Variants in ENTREP2 observed in about 807,000 individuals in gnomAD.
The protein encoded by ENTREP2 is protein ENTREP2.
At chr15:29,351,496 A>G in the ENTREP2 span, among the ~76,000 whole-genome samples, 1 of 151,994 alleles carries the variant, frequency 6.6e-6, no homozygotes, top group African/African-American at 2.4e-5. Flanking sequence ...GTGCAAGATA[A>G]ATGTTTATAC....
the ENTREP2 span, among the ~76,000 whole-genome samples, chr15:29,471,337 G>C: frequency 6.6e-6 from 1 of 152,240 alleles, no homozygotes; most frequent in African/African-American, 2.4e-5. Flanking sequence ...GCTCCAAGAA[G>C]GACTTCTGAC....
At chr15:29,205,909 T>C in the ENTREP2 span, among the ~76,000 whole-genome samples, 1 of 152,224 alleles carries the variant, frequency 6.6e-6, no homozygotes, top group Non-Finnish European at 1.5e-5. Context: ...GTCTCAAGAA[T>C]GAGCCACCTT....
At chr15:29,206,585 A>G in the ENTREP2 span, among the ~76,000 whole-genome samples, 7 of 152,158 alleles carry the variant, frequency 4.6e-5, no homozygotes, top group Admixed American at 1.3e-4. Context: ...CATCCAGAAC[A>G]GAAAAACCCA....
At chr15:29,675,133 C>T in the ENTREP2 span, 1 of 152,942 alleles carries the variant, frequency 6.5e-6, no homozygotes, top group East Asian at 1.9e-4. Context: ...GCACGCCGCC[C>T]CAGTCCTCGG....
the ENTREP2 span, among the ~76,000 whole-genome samples, chr15:29,281,332 G>A: frequency 1.3e-5 from 2 of 152,300 alleles, no homozygotes; most frequent in South Asian, 2.1e-4. Flanking sequence ...CTATTAAAGT[G>A]GAGGTTATAT....
At chr15:29,469,286 G>A in the ENTREP2 span, among the ~76,000 whole-genome samples, 3 of 152,184 alleles carry the variant, frequency 2.0e-5, no homozygotes, top group South Asian at 2.1e-4. Flanking sequence ...TGCAAGCTCC[G>A]CCTCTTGGGT....
At chr15:29,169,444 G>A in the ENTREP2 span, among the ~76,000 whole-genome samples, 1 of 152,158 alleles carries the variant, frequency 6.6e-6, no homozygotes, top group Non-Finnish European at 1.5e-5. Context: ...CATTACTTGT[G>A]TTGGGATAAT....
At chr15:29,360,814 C>G in the ENTREP2 span, among the ~76,000 whole-genome samples, 1 of 152,174 alleles carries the variant, frequency 6.6e-6, no homozygotes, top group African/African-American at 2.4e-5. Flanking sequence ...GGTCTGAGAG[C>G]CAGATGCTAG....
At chr15:29,595,248 G>A in the ENTREP2 span, among the ~76,000 whole-genome samples, 1,759 of 139,396 alleles carry the variant, frequency 0.013, 38 homozygotes, top group African/African-American at 0.046. Context: ...GTGAAACTCC[G>A]TCTCAAAAAT....
the ENTREP2 span, among the ~76,000 whole-genome samples, chr15:29,300,489 T>C: frequency 6.6e-6 from 1 of 152,194 alleles, no homozygotes; most frequent in African/African-American, 2.4e-5. Context: ...AGATAATCAC[T>C]GGGTTAAAAT....
the ENTREP2 span, among the ~76,000 whole-genome samples, chr15:29,326,232 T>G: frequency 6.8e-3 from 1,028 of 152,192 alleles, 9 homozygotes; most frequent in African/African-American, 0.023. Context: ...GCTAGTGCAA[T>G]AAGACAAGAA....
At chr15:29,451,427 C>A in the ENTREP2 span, among the ~76,000 whole-genome samples, 5 of 152,292 alleles carry the variant, frequency 3.3e-5, no homozygotes, top group East Asian at 9.7e-4. Flanking sequence ...GCACACCGAC[C>A]CCACAGAGAA....
the ENTREP2 span, among the ~76,000 whole-genome samples, chr15:29,502,731 T>C: frequency 3.3e-5 from 5 of 152,124 alleles, no homozygotes; most frequent in South Asian, 2.1e-4. Context: ...AAAGGACTCC[T>C]AGCATTCAAC....
the ENTREP2 span, among the ~76,000 whole-genome samples, chr15:29,494,338 G>C: frequency 6.6e-6 from 1 of 152,090 alleles, no homozygotes; most frequent in African/African-American, 2.4e-5. Context: ...ACATAAAATT[G>C]TGCCAAAATA....
At chr15:29,432,129 T>C in the ENTREP2 span, among the ~76,000 whole-genome samples, 2 of 152,206 alleles carry the variant, frequency 1.3e-5, no homozygotes, top group Non-Finnish European at 2.9e-5. Flanking sequence ...ATTAGTGACA[T>C]GTTCTCTCAA....
At chr15:29,639,120 T>A in the ENTREP2 span, among the ~76,000 whole-genome samples, 1 of 152,234 alleles carries the variant, frequency 6.6e-6, no homozygotes, top group Non-Finnish European at 1.5e-5. Context: ...TTGAAAGAAA[T>A]CTTTGTCGTG....
At chr15:29,404,881 G>A in the ENTREP2 span, among the ~76,000 whole-genome samples, 3 of 151,732 alleles carry the variant, frequency 2.0e-5, no homozygotes, top group South Asian at 4.2e-4. Context: ...GATACCCCAC[G>A]TCCCTCCCCC....
chr15:29,142,698 C>A, the ENTREP2 span, among the ~76,000 whole-genome samples: 14 of 152,178 alleles, frequency 9.2e-5, no homozygotes, highest in African/African-American at 3.4e-4. Context: ...CTCTGTAGGG[C>A]AGACAGCTAC....
chr15:29,270,412 GAGA>G, the ENTREP2 span, among the ~76,000 whole-genome samples: 11,504 of 152,224 alleles, frequency 0.076, 1,422 homozygotes, highest in African/African-American at 0.26. Context: ...AGACAACTAT[GAGA>G]AGACCACAAA....
Sources: allele counts gnomAD v4.1 joint callset (sites outside exome capture counted in the v4.1 genomes callset), GRCh38; gene constraint gnomAD v4.1.1; transcripts MANE v1.5; gene names NCBI Gene and HGNC (gene_info 2026-07-23, HGNC 2026-07-21).